The following LHFPL3 variants were observed in gnomAD, a reference collection of about 807,000 sequenced individuals.
The protein encoded by LHFPL3 is LHFPL tetraspan subfamily member 3 protein.
In LHFPL3, 5 loss-of-function variants were observed where a neutral mutation model predicts 19.3. That is an observed-to-expected ratio of 0.26 (90% CI 0.14 to 0.54). The LOEUF is 0.54. Ranked by LOEUF, LHFPL3 falls within the 20% of genes least tolerant of loss-of-function variation. The probability of loss-of-function intolerance (pLI) is 0.94; values close to 1 mark genes in which losing one functional copy is unlikely to be tolerated. For synonymous variants in LHFPL3, 133 were observed against 126.2 expected (o/e 1.05, Z -0.36); for missense variants, 249 against 307.4 (o/e 0.81, Z 1.42).
At chr7:104,714,226 G>A (rs190897480) in intron 1 of LHFPL3, among the ~76,000 whole-genome samples, 26 of 151,986 alleles carry the variant, frequency 1.7e-4, no homozygotes, top group African/African-American at 5.6e-4. Context: ...TGTTGTTGTT[G>A]TTTTGTTTTT....
intron 1 of LHFPL3, among the ~76,000 whole-genome samples, chr7:104,439,560 A>G (rs1454022120): frequency 6.6e-6 from 1 of 152,130 alleles, no homozygotes; most frequent in East Asian, 1.9e-4. Flanking sequence ...ATCTCATTAC[A>G]TGCCATAAGA....
At chr7:104,649,900 C>T (rs1791999546) in intron 1 of LHFPL3, among the ~76,000 whole-genome samples, 1 of 152,178 alleles carries the variant, frequency 6.6e-6, no homozygotes, top group Non-Finnish European at 1.5e-5. Context: ...GCATCTGGGG[C>T]TTGTTAGAAA....
intron 2 of LHFPL3, among the ~76,000 whole-genome samples, chr7:104,808,787 G>A (rs1204133262): frequency 2.0e-5 from 3 of 151,102 alleles, no homozygotes; most frequent in African/African-American, 4.9e-5. Context: ...TTACCATTAA[G>A]ACATCTCTTG....
chr7:104,361,110 C>T (rs527989852), intron 1 of LHFPL3, among the ~76,000 whole-genome samples: 5 of 152,292 alleles, frequency 3.3e-5, no homozygotes, highest in South Asian at 2.1e-4. Flanking sequence ...TGGCTGTTTT[C>T]GCATTACAAG....
intron 1 of LHFPL3, among the ~76,000 whole-genome samples, chr7:104,338,766 C>T (rs1045619715): frequency 1.3e-5 from 2 of 152,024 alleles, no homozygotes; most frequent in Non-Finnish European, 2.9e-5. Context: ...ACTTATTTTC[C>T]AGATGTGATT....
At chr7:104,782,821 T>C (rs1789839907) in intron 2 of LHFPL3, among the ~76,000 whole-genome samples, 1 of 152,248 alleles carries the variant, frequency 6.6e-6, no homozygotes, top group African/African-American at 2.4e-5. Flanking sequence ...ACAATATTGA[T>C]GTCCACAAGC....
At chr7:104,700,296 T>C (rs571152313) in intron 1 of LHFPL3, among the ~76,000 whole-genome samples, 4 of 152,178 alleles carry the variant, frequency 2.6e-5, no homozygotes, top group Non-Finnish European at 5.9e-5. Context: ...TCTCTTAGCC[T>C]ACCTGAAGTT....
intron 2 of LHFPL3, chr7:104,845,477 C>T: frequency 2.0e-6 from 3 of 1,525,076 alleles, no homozygotes; most frequent in Non-Finnish European, 2.6e-6. Flanking sequence ...TTGTGCGCTT[C>T]TGCCTTCTGT....
intron 2 of LHFPL3, among the ~76,000 whole-genome samples, chr7:104,813,779 T>A (rs1790517527): frequency 6.6e-6 from 1 of 152,180 alleles, no homozygotes; most frequent in Non-Finnish European, 1.5e-5. Context: ...ACAGCTGGCA[T>A]CAGAGAACAC....
At chr7:104,876,408 A>G (rs953726891) in intron 2 of LHFPL3, among the ~76,000 whole-genome samples, 1 of 152,232 alleles carries the variant, frequency 6.6e-6, no homozygotes. Context: ...TCCAGAATCT[A>G]CAATGAACTC....
intron 1 of LHFPL3, among the ~76,000 whole-genome samples, chr7:104,596,002 C>T (rs571518450): frequency 6.6e-6 from 1 of 152,368 alleles, no homozygotes; most frequent in East Asian, 1.9e-4. Context: ...AACCCCCCAA[C>T]CCCTTGTGCT....
At chr7:104,811,650 T>C (rs1042022988) in intron 2 of LHFPL3, among the ~76,000 whole-genome samples, 1 of 152,216 alleles carries the variant, frequency 6.6e-6, no homozygotes, top group African/African-American at 2.4e-5. Flanking sequence ...GATGACAGCA[T>C]GTTGTTGCCG....
chr7:104,657,456 A>T (rs185141283), intron 1 of LHFPL3, among the ~76,000 whole-genome samples: 10 of 151,726 alleles, frequency 6.6e-5, no homozygotes, highest in African/African-American at 2.4e-4. Flanking sequence ...CTAGATTTTT[A>T]AAGTTTCTGT....
At chr7:104,792,270 G>C (rs1460573997) in intron 2 of LHFPL3, among the ~76,000 whole-genome samples, 2 of 152,158 alleles carry the variant, frequency 1.3e-5, no homozygotes, top group African/African-American at 4.8e-5. Context: ...TCGTTAGCTA[G>C]AATGTTGACA....
intron 2 of LHFPL3, among the ~76,000 whole-genome samples, chr7:104,849,978 G>A (rs1299711223): frequency 1.3e-5 from 2 of 152,340 alleles, no homozygotes; most frequent in African/African-American, 4.8e-5. Context: ...TTGGGGAAGA[G>A]GAATTCTATT....
intron 1 of LHFPL3, among the ~76,000 whole-genome samples, chr7:104,550,693 G>C (rs550752932): frequency 6.6e-6 from 1 of 152,104 alleles, no homozygotes; most frequent in East Asian, 1.9e-4. Context: ...CCTGACCTCT[G>C]TTCTTCCCAA....
At chr7:104,880,408 A>T (rs10235696) in intron 2 of LHFPL3, among the ~76,000 whole-genome samples, 10,539 of 152,190 alleles carry the variant, frequency 0.069, 875 homozygotes, top group East Asian at 0.44. Context: ...GAGCCAAATA[A>T]ATCTCTTTCT....
At chr7:104,475,471 T>C (rs145534869) in intron 1 of LHFPL3, among the ~76,000 whole-genome samples, 1 of 152,296 alleles carries the variant, frequency 6.6e-6, no homozygotes, top group East Asian at 1.9e-4. Flanking sequence ...TGGGGAGTTG[T>C]TCAATGGATA....
Position 104,525,704 on chromosome 7 carries a change from T to A in LHFPL3, c.445+196480T>A, listed in dbSNP as rs528653324. Reference sequence around the variant, plus strand: ...TCACTGCAACCTCCGCCTCCTGGGTTCAAGTGATTCTCCTGCTTCAGCCTG... The same window carrying A: ...TCACTGCAACCTCCGCCTCCTGGGTACAAGTGATTCTCCTGCTTCAGCCTG... On this transcript the variant is annotated intron_variant, in intron 1 of 2. Coordinates refer to ENST00000424859, the MANE Select transcript of LHFPL3 (RefSeq NM_199000.3). Among the ~76,000 whole-genome samples the A allele has an allele frequency of 1.8e-3, 275 of 151,962 alleles. 1 individual carries two copies. Among genetic ancestry groups the A allele is most frequent in the African/African-American group, 6.3e-3 (263 of 41,434 alleles).
Sources: gnomAD v4.1 joint callset for allele counts (sites outside exome capture counted in the v4.1 genomes callset) on GRCh38, gnomAD v4.1.1 for gene constraint, MANE v1.5 for transcripts, NCBI Gene and HGNC (gene_info 2026-07-23, HGNC 2026-07-21) for gene names.